Variants in POLR1A observed in about 807,000 individuals in gnomAD.
POLR1A encodes the protein DNA-directed RNA polymerase I subunit RPA1.
Under a neutral mutation model 205.3 loss-of-function variants are expected in POLR1A, and 84 were observed. The ratio of observed to expected loss-of-function variants is 0.41; its 90% CI spans 0.34 to 0.49. The LOEUF (loss-of-function observed/expected upper bound fraction) is 0.49, where lower values mean the gene tolerates loss of function less well. Ranked by LOEUF, POLR1A falls within the 20% of genes least tolerant of loss-of-function variation. The pLI is 0.22. For synonymous variants in POLR1A, 799 were observed against 863.7 expected (o/e 0.93, Z 1.31); for missense variants, 1,645 against 2,204.5 (o/e 0.75, Z 5.08).
rs779643819 is a variant in POLR1A, at chr2:86,088,662, G to T, written c.634C>A (p.Arg212=). 2 of 1,613,464 alleles carry T rather than the reference G, an allele frequency of 1.2e-6. No homozygotes were observed. The highest frequency in any genetic ancestry group is 2.2e-5 in the South Asian group (2 of 91,076). The change falls in exon 6 of 34, where the codon CGA becomes AGA. Residue 212 remains arginine, a synonymous_variant. Coordinates refer to ENST00000263857, the MANE Select transcript of POLR1A (RefSeq NM_015425.6). ...AKRCPHCKTG[R]SVVRKEHNSK... is the part of the protein sequence containing the mutation. ...TTGTGTTCCTTTCGGACAACGGATC[G>T]CCCGGTCCTGTGCAGGAGGACAGTT...
intron 14 of POLR1A, among the ~76,000 whole-genome samples, chr2:86,060,413 C>T (rs1672973649): frequency 1.3e-5 from 2 of 152,084 alleles, no homozygotes; most frequent in African/African-American, 4.8e-5. Flanking sequence ...TCAAGGCAGT[C>T]TTGAAGAACA....
rs896175850 is a variant in POLR1A, at chr2:86,021,760, G to A, written c.*5663C>T. 1 of 152,300 alleles carries A rather than the reference G, an allele frequency of 6.6e-6. No homozygotes were observed. The highest frequency in any genetic ancestry group is 2.1e-4 in the South Asian group (1 of 4,828). The allele number at this position is 152,300 out of a possible 1,614,324, so 9.4% of individuals were successfully genotyped here. A position where few individuals can be genotyped will look rare whatever the true frequency, so the allele number is the denominator to read the frequency against. On this transcript the variant is annotated 3_prime_UTR_variant, in exon 34 of 34. Transcript: ENST00000263857. Reference sequence around the variant, plus strand: ...GATCAAGGTTGGATGGATGCAGCATGGGGGAGGGAATGGTGAGGATGGGCA... The same window carrying A: ...GATCAAGGTTGGATGGATGCAGCATAGGGGAGGGAATGGTGAGGATGGGCA...
intron 27 of POLR1A, among the ~76,000 whole-genome samples, chr2:86,036,692 C>G (rs3770089): frequency 0.049 from 7,496 of 152,286 alleles, 307 homozygotes; most frequent in East Asian, 0.23. Flanking sequence ...AGCTCATCCA[C>G]TGCCCCATCT....
At chr2:86,075,358 T>C in intron 11 of POLR1A, 98 bp from the exon 12 acceptor site, 1 of 851,426 alleles carries the variant, frequency 1.2e-6, no homozygotes, top group Non-Finnish European at 1.9e-6. Context: ...TCACCCAAGA[T>C]GTGGAGGAGC....
Position 86,070,463 on chromosome 2 carries a change from G to A in POLR1A, c.1612-191C>T, listed in dbSNP as rs184357968. On this transcript the variant is annotated intron_variant, in intron 12 of 33. Coordinates refer to ENST00000263857, the MANE Select transcript of POLR1A (RefSeq NM_015425.6). The surrounding 1 kb of genome is among the most constrained non-coding windows in gnomAD (Gnocchi z 4.4). ...GAGAAATACGTCCTAGGCCCTTCTG[G>A]TCCTGGCCCTTTACAACCCTGATCC... Among the ~76,000 whole-genome samples the A allele has an allele frequency of 3.3e-5, 5 of 152,182 alleles. No individual in the cohort carries two copies. In the East Asian group the frequency reaches 9.7e-4, roughly 29 times the overall value.
intron 14 of POLR1A, among the ~76,000 whole-genome samples, chr2:86,057,108 T>A (rs889457422): frequency 2.6e-5 from 4 of 152,194 alleles, no homozygotes; most frequent in African/African-American, 9.7e-5. Flanking sequence ...CTTCTGGAAA[T>A]GATTCACCAT....
chr2:86,036,030 T>G (rs1388765980), intron 27 of POLR1A, among the ~76,000 whole-genome samples: 2 of 152,202 alleles, frequency 1.3e-5, no homozygotes, highest in Admixed American at 1.3e-4. Context: ...TTCTCAAGGT[T>G]GTGCAGCTCA....
rs1020161880 is a variant in POLR1A at position 86,020,842 on chromosome 2, G to T, written c.*6581C>A. The stretch of plus-strand genomic sequence containing the variant: ...AGACACTGCTGAATGTCCCCTGGGG[G>T]GCAAATTGCCCCAAGTTGAGAACCA... On this transcript the variant is annotated 3_prime_UTR_variant, in exon 34 of 34. Coordinates refer to ENST00000263857, the MANE Select transcript of POLR1A (RefSeq NM_015425.6). 1 of 152,192 alleles carries T rather than the reference G, an allele frequency of 6.6e-6. No homozygotes were observed. Among genetic ancestry groups the T allele is most frequent in the Non-Finnish European group, 1.5e-5 (1 of 68,042 alleles). The allele number at this position is 152,192 out of a possible 1,614,324, so 9.4% of individuals were successfully genotyped here.
At position 86,070,077 on chromosome 2, in the gene POLR1A, G is replaced by C; in HGVS notation, c.1807C>G (p.Leu603Val). The C allele has an allele frequency of 1.2e-6, 2 of 1,614,154 alleles. No homozygotes were observed. Among genetic ancestry groups the C allele is most frequent in the Non-Finnish European group, 1.7e-6 (2 of 1,180,000 alleles). ...AGGACGTAGGCCTCGGCCCGGCCCA[G>C]CTCACTCTGGGGGAAATGGGCATTC... ...EMNAHFPQSE[L>V]GRAEAYVLAC... Residue 603 changes from leucine to valine, a missense_variant, in exon 13 of 34, where the codon CTG becomes GTG. Physicochemically the swap from Leu to Val is conservative, Grantham distance 32. Coordinates refer to ENST00000263857, the MANE Select transcript of POLR1A (RefSeq NM_015425.6). The surrounding 1 kb of genome is among the most constrained non-coding windows in gnomAD (Gnocchi z 4.4).
chr2:86,057,101 C>A (rs1672910484), intron 14 of POLR1A, among the ~76,000 whole-genome samples: 3 of 152,178 alleles, frequency 2.0e-5, no homozygotes. Flanking sequence ...GGAAAACCTT[C>A]TGGAAATGAT....
At chr2:86,102,930 T>TAAGGA (rs1182456401) in intron 1 of POLR1A, among the ~76,000 whole-genome samples, 2 of 152,200 alleles carry the variant, frequency 1.3e-5, no homozygotes, top group Non-Finnish European at 2.9e-5. Context: ...TGGGTGTCGT[T>TAAGGA]AAGGACTGAA....
chr2:86,049,019 C>T lies in POLR1A; in HGVS notation c.2499G>A (p.Leu833=), dbSNP rs762253260. The T allele has an allele frequency of 1.4e-5, 23 of 1,614,070 alleles. No homozygotes were observed. The highest frequency in any genetic ancestry group is 3.3e-5 in the Admixed American group (2 of 60,014). Residue 833 remains leucine, a synonymous_variant, in exon 18 of 34, where the codon CTG becomes CTA. Coordinates refer to ENST00000263857, the MANE Select transcript of POLR1A (RefSeq NM_015425.6). The part of the protein sequence containing the change: ...GPQAVRAALN[L]PEAASYDEVR... ...CCTCATCATATGATGCGGCTTCTGG[C>T]AGGTTTAATGCAGCCCTGACAGCCT...
intron 6 of POLR1A, among the ~76,000 whole-genome samples, chr2:86,087,865 G>C (rs1313925510): frequency 6.6e-6 from 1 of 152,060 alleles, no homozygotes; most frequent in Non-Finnish European, 1.5e-5. Context: ...TTCTACCCTG[G>C]AACACTGATG....
At position 86,098,199 on chromosome 2, in the gene POLR1A, A is replaced by G. The variant is rs920982621; in HGVS notation, c.432+412T>C. On this transcript the variant is annotated intron_variant, in intron 3 of 33. Transcript: ENST00000263857. The stretch of plus-strand genomic sequence containing the variant: ...ATTACAAGAAATAATCGGACAATCT[A>G]AAATGTAAGAAATCCTATAAGACAA... 2.6e-5 allele frequency among the ~76,000 whole-genome samples: 4 copies of G among 152,220 alleles called. No homozygotes were observed. In the South Asian group the frequency reaches 6.2e-4, roughly 24 times the overall value.
chr2:86,048,314 T>C (rs1672742135), intron 18 of POLR1A, among the ~76,000 whole-genome samples: 1 of 152,190 alleles, frequency 6.6e-6, no homozygotes, highest in African/African-American at 2.4e-5. Flanking sequence ...ATGCAGAGAT[T>C]TCCCCTCTCC....
intron 25 of POLR1A, among the ~76,000 whole-genome samples, chr2:86,039,834 GTA>G (rs1230655404): frequency 2.0e-5 from 3 of 152,256 alleles, no homozygotes; most frequent in African/African-American, 7.2e-5. Context: ...CTGCCTGGAT[GTA>G]TAGTGGGTCC....
At chr2:86,069,665 A>G (rs1201486815) in intron 13 of POLR1A, among the ~76,000 whole-genome samples, 1 of 152,220 alleles carries the variant, frequency 6.6e-6, no homozygotes, top group Non-Finnish European at 1.5e-5. Context: ...GTGGACCATG[A>G]GAACCATTAC....
intron 14 of POLR1A, among the ~76,000 whole-genome samples, chr2:86,063,278 T>G: frequency 8.0e-6 from 1 of 125,720 alleles, no homozygotes; most frequent in East Asian, 2.4e-4. Context: ...GAGGTTGCGG[T>G]GAGCCAGGAT....
chr2:86,056,255 C>A (rs1672894522), intron 14 of POLR1A, among the ~76,000 whole-genome samples: 1 of 151,868 alleles, frequency 6.6e-6, no homozygotes, highest in South Asian at 2.1e-4. Context: ...AGTTTGAGAC[C>A]AACCTGGCCA....
Sources: gnomAD v4.1 joint callset for allele counts (sites outside exome capture counted in the v4.1 genomes callset) on GRCh38, gnomAD v4.1.1 for gene constraint, Gnocchi (gnomAD v3.1) non-coding constraint, MANE v1.5 for transcripts, NCBI Gene and HGNC (gene_info 2026-07-23, HGNC 2026-07-21) for gene names.